The following PIK3R1 variants were observed in gnomAD, a reference collection of about 807,000 sequenced individuals.
The protein encoded by PIK3R1 is phosphatidylinositol 3-kinase regulatory subunit alpha.
Under a neutral mutation model 98.0 loss-of-function variants are expected in PIK3R1, and 29 were observed. That is an observed-to-expected ratio of 0.30 (90% CI 0.22 to 0.40). The LOEUF (loss-of-function observed/expected upper bound fraction) is 0.40, where lower values mean the gene tolerates loss of function less well. Among genes scored for constraint, PIK3R1 ranks in the 10% least tolerant of loss-of-function variants. The pLI, the probability that PIK3R1 is intolerant of heterozygous loss-of-function variation, is 1.00. For synonymous variants in PIK3R1, 282 were observed against 311.8 expected, an observed-to-expected ratio of 0.90 and a Z score of 1.01; for missense variants, 596 against 872.7, an observed-to-expected ratio of 0.68 and a Z score of 3.99.
intron 4 of PIK3R1, among the ~76,000 whole-genome samples, chr5:68,277,065 G>A (rs6861401): frequency 0.5 from 75,480 of 152,086 alleles, 21,016 homozygotes; most frequent in African/African-American, 0.77. Flanking sequence ...GGAGGGATGT[G>A]TGCATATTTA....
chr5:68,265,689 G>A (rs559112602), intron 2 of PIK3R1, among the ~76,000 whole-genome samples: 210 of 152,196 alleles, frequency 1.4e-3, no homozygotes, highest in Non-Finnish European at 2.3e-3. Context: ...TGAATCTGGG[G>A]GGAAGGGACA....
intron 4 of PIK3R1, among the ~76,000 whole-genome samples, chr5:68,277,577 T>G (rs1476723672): frequency 6.6e-6 from 1 of 152,238 alleles, no homozygotes; most frequent in Non-Finnish European, 1.5e-5. Context: ...TATGATGATA[T>G]GTCCAAGGAA....
rs1748069294 is a variant in PIK3R1, at chr5:68,301,416, A to ATGTGTG, written c.*3816_*3817insGTGTGT. The ATGTGTG allele has an allele frequency of 9.6e-6, 1 of 103,632 alleles. No homozygotes were observed. The highest frequency in any genetic ancestry group is 1.9e-5 in the Non-Finnish European group (1 of 53,876). 6.4% of individuals were successfully genotyped at this position (103,632 alleles called of 1,614,324 possible). ...TGTATATATATATATATATATATATATATATATATATATATATGTGTGTGT... is the reference window on the plus strand; with the variant it reads ...TGTATATATATATATATATATATATATGTGTGTATATATATATATATATGTGTGTGT... On this transcript the variant is annotated 3_prime_UTR_variant, in exon 16 of 16. Transcript: ENST00000521381.
At chr5:68,269,248 A>G (rs1179262704) in intron 2 of PIK3R1, among the ~76,000 whole-genome samples, 1 of 152,244 alleles carries the variant, frequency 6.6e-6, no homozygotes, top group African/African-American at 2.4e-5. Flanking sequence ...GGGTTGTAGT[A>G]AAGGAATCAA....
intron 2 of PIK3R1, among the ~76,000 whole-genome samples, chr5:68,252,833 T>C (rs1404842712): frequency 1.3e-5 from 2 of 152,328 alleles, no homozygotes; most frequent in African/African-American, 4.8e-5. Flanking sequence ...GCAACTTTGC[T>C]AAGTAAAACC....
At chr5:68,218,311 C>T (rs1743974037) in intron 1 of PIK3R1, among the ~76,000 whole-genome samples, 1 of 152,184 alleles carries the variant, frequency 6.6e-6, no homozygotes, top group Non-Finnish European at 1.5e-5. Context: ...CCTACTCAAA[C>T]TAACCCAAAT....
intron 7 of PIK3R1, chr5:68,288,559 A>G: frequency 2.0e-6 from 3 of 1,507,120 alleles, no homozygotes; most frequent in Non-Finnish European, 2.6e-6. Flanking sequence ...GCACGCCCGG[A>G]GGGTCCTGGC....
intron 4 of PIK3R1, among the ~76,000 whole-genome samples, chr5:68,276,868 C>A (rs1029245642): frequency 1.3e-5 from 2 of 152,140 alleles, no homozygotes; most frequent in African/African-American, 4.8e-5. Context: ...ACATTTAACA[C>A]GTTGTATGTG....
chr5:68,220,391 G>A (rs940160315), intron 1 of PIK3R1, among the ~76,000 whole-genome samples: 1 of 152,176 alleles, frequency 6.6e-6, no homozygotes, highest in Admixed American at 6.5e-5. Context: ...GAACCGGAAT[G>A]GTCAGCCTCA....
intron 4 of PIK3R1, among the ~76,000 whole-genome samples, chr5:68,276,681 A>C (rs1363462988): frequency 2.0e-5 from 3 of 152,238 alleles, no homozygotes; most frequent in Non-Finnish European, 2.9e-5. Flanking sequence ...GATAAATAGA[A>C]CAGACTTTGT....
chr5:68,259,974 G>A (rs1451081435), intron 2 of PIK3R1, among the ~76,000 whole-genome samples: 1 of 152,046 alleles, frequency 6.6e-6, no homozygotes, highest in Non-Finnish European at 1.5e-5. Context: ...TTTCCTCTCT[G>A]TACAATGACA....
rs750929700 is a variant in PIK3R1, at chr5:68,226,705, G to A, written c.30G>A (p.Ala10=). MSAEGYQYR[A]LYDYKKEREE... ...GTGCTGAGGGGTACCAGTACAGAGC[G>A]CTGTATGATTATAAAAAGGAAAGAG... The change falls in exon 2 of 16, where the codon GCG becomes GCA. Residue 10 remains alanine, a synonymous_variant. Transcript: ENST00000521381. The A allele has an allele frequency of 3.5e-5, 56 of 1,613,906 alleles. No individual in the cohort carries two copies. In the East Asian group the frequency reaches 5.1e-4, roughly 15 times the overall value.
rs1262336304 is a variant in PIK3R1 at position 68,280,524 on chromosome 5, G to A, written c.635-4G>A. The A allele has an allele frequency of 7.2e-7, 1 of 1,393,772 alleles. No individual in the cohort carries two copies. Among genetic ancestry groups the A allele is most frequent in the Non-Finnish European group, 9.9e-7 (1 of 1,009,750 alleles). The allele number at this position is 1,393,772 out of a possible 1,614,324, so 86.3% of individuals were successfully genotyped here. A position where few individuals can be genotyped will look rare whatever the true frequency, so the allele number is the denominator to read the frequency against. ...TCTCTTTTTTTTTTTTTTTAAACTT[G>A]TAGAAGTACAAAGCTCCGAAGAATA... On this transcript the variant is annotated splice_polypyrimidine_tract_variant and splice_region_variant and intron_variant, in intron 5 of 15. Coordinates refer to ENST00000521381, the MANE Select transcript of PIK3R1 (RefSeq NM_181523.3).
rs79515688 is a variant in PIK3R1, at chr5:68,299,168, G to C, written c.*1567G>C. 0.013 allele frequency: 2,970 copies of C among 233,376 alleles called. 78 individuals carry two copies. Among genetic ancestry groups the C allele is most frequent in the African/African-American group, 0.062 (2,798 of 45,354 alleles). 14.5% of individuals were successfully genotyped at this position (233,376 alleles called of 1,614,324 possible). On this transcript the variant is annotated 3_prime_UTR_variant, in exon 16 of 16. Coordinates refer to ENST00000521381, the MANE Select transcript of PIK3R1 (RefSeq NM_181523.3). The stretch of plus-strand genomic sequence containing the variant: ...CTTTGTTTAGAACACTGGTTTAAAG[G>C]GATAATCATCTCTGTCACATTAGAC...
Position 68,301,470 on chromosome 5 carries a change from G to GTA in PIK3R1, c.*3874_*3875dup, listed in dbSNP as rs1441239842. ...TATATATATATGTGTATATATATAT[G>GTA]TATATACATATATGTATATATATGC... On this transcript the variant is annotated 3_prime_UTR_variant, in exon 16 of 16. Coordinates refer to ENST00000521381, the MANE Select transcript of PIK3R1 (RefSeq NM_181523.3). The GTA allele has an allele frequency of 1.1e-5, 1 of 91,648 alleles. No individual in the cohort carries two copies. Among genetic ancestry groups the GTA allele is most frequent in the Non-Finnish European group, 2.2e-5 (1 of 45,568 alleles). 5.7% of individuals were successfully genotyped at this position (91,648 alleles called of 1,614,324 possible).
intron 2 of PIK3R1, among the ~76,000 whole-genome samples, chr5:68,236,495 C>T (rs571752652): frequency 6.6e-6 from 1 of 152,078 alleles, no homozygotes; most frequent in African/African-American, 2.4e-5. Flanking sequence ...GTGATCCGCC[C>T]ACCTCGGCCT....
chr5:68,266,042 C>T (rs551288196), intron 2 of PIK3R1, among the ~76,000 whole-genome samples: 1 of 152,296 alleles, frequency 6.6e-6, no homozygotes, highest in African/African-American at 2.4e-5. Context: ...CTCACTTTCT[C>T]CTTGGTCAGC....
intron 1 of PIK3R1, among the ~76,000 whole-genome samples, chr5:68,221,107 C>G (rs1281371840): frequency 1.3e-5 from 2 of 152,226 alleles, no homozygotes; most frequent in African/African-American, 2.4e-5. Flanking sequence ...CTTGCCCTTG[C>G]AAGAGGACAT....
intron 2 of PIK3R1, among the ~76,000 whole-genome samples, chr5:68,248,728 A>G (rs1745193841): frequency 6.6e-6 from 1 of 152,210 alleles, no homozygotes; most frequent in South Asian, 2.1e-4. Flanking sequence ...AGGTCATACA[A>G]GGGAAATTGG....
Sources: allele counts gnomAD v4.1 joint callset (sites outside exome capture counted in the v4.1 genomes callset), GRCh38; gene constraint gnomAD v4.1.1; transcripts MANE v1.5; gene names NCBI Gene and HGNC (gene_info 2026-07-23, HGNC 2026-07-21).